The following SRGAP2C variants were observed in gnomAD, a reference collection of about 807,000 sequenced individuals.
SRGAP2C encodes SLIT-ROBO Rho GTPase activating protein 2C, also known as SLIT-ROBO Rho GTPase-activating protein 2C.
SRGAP2C carries 15 observed loss-of-function variants against 25.1 expected under a neutral mutation model. The observed-to-expected ratio is 0.60, with a 90% CI of 0.40 to 0.92. The LOEUF (loss-of-function observed/expected upper bound fraction) is 0.92. Among genes scored for constraint, SRGAP2C ranks in the 40% least tolerant of loss-of-function variants. SRGAP2C has a pLI of 0.00. For missense variants in SRGAP2C, 144 were observed against 264.4 expected (o/e 0.54, Z 3.16); for synonymous variants, 44 against 96.6 (o/e 0.46, Z 3.19).
chr1:121,315,555 A>G (rs1439283526), intron 3 of SRGAP2C, among the ~76,000 whole-genome samples: 1 of 151,630 alleles, frequency 6.6e-6, no homozygotes, highest in Non-Finnish European at 1.5e-5. Flanking sequence ...TATACCACTC[A>G]GCCCTTTAAA....
intron 3 of SRGAP2C, among the ~76,000 whole-genome samples, chr1:121,295,918 C>T (rs1390679118): frequency 7.9e-5 from 12 of 152,062 alleles, no homozygotes; most frequent in East Asian, 1.9e-4. Flanking sequence ...TGCGCCATGA[C>T]GCCAGGCTAA....
In SRGAP2C at chr1:121,239,282, C is replaced by G. The variant is rs1298013624; in HGVS notation, c.68-45521C>G. Among the ~76,000 whole-genome samples the G allele has an allele frequency of 1.7e-3, 3 of 1,724 alleles. 1 individual carries two copies. Among genetic ancestry groups the G allele is most frequent in the South Asian group, 8.5e-3 (1 of 118 alleles). 1.1% of individuals were successfully genotyped at this position (1,724 alleles called of 152,430 possible). A position where few individuals can be genotyped will look rare whatever the true frequency, so the allele number is the denominator to read the frequency against. On this transcript the variant is annotated intron_variant, in intron 2 of 9. Coordinates refer to ENST00000367123, the MANE Select transcript of SRGAP2C (RefSeq NM_001329984.2). ...TATATATATACTATATATATATATA[C>G]TATATATATATATATATACATGCAA...
At chr1:121,201,798 T>C (rs1336316228) in intron 2 of SRGAP2C, among the ~76,000 whole-genome samples, 2 of 152,222 alleles carry the variant, frequency 1.3e-5, no homozygotes, top group Non-Finnish European at 2.9e-5. Context: ...TGAAAAATTA[T>C]CCGATAACGT....
chr1:121,222,986 C>T (rs1655570505), intron 2 of SRGAP2C, among the ~76,000 whole-genome samples: 1 of 151,700 alleles, frequency 6.6e-6, no homozygotes, highest in Non-Finnish European at 1.5e-5. Flanking sequence ...CCAGGGTTAT[C>T]AGGTCCACAA....
At position 121,374,815 on chromosome 1, in the gene SRGAP2C, T is replaced by C. The variant is rs1360051799; in HGVS notation, c.703-11T>C. ...AAAAAAGGTAAAAGTGAACTTCTGT[T>C]TCCTTTTCAGCACCAAGCCAAGTAC... On this transcript the variant is annotated splice_polypyrimidine_tract_variant and intron_variant, in intron 6 of 9. Transcript: ENST00000367123. 2 of 759,532 alleles carry C rather than the reference T, an allele frequency of 2.6e-6. No individual in the cohort carries two copies. The highest frequency in any genetic ancestry group is 2.5e-5 in the East Asian group (1 of 40,210). 47.0% of individuals were successfully genotyped at this position (759,532 alleles called of 1,614,324 possible).
intron 2 of SRGAP2C, among the ~76,000 whole-genome samples, chr1:121,263,123 T>C (rs1190202246): frequency 1.3e-5 from 2 of 151,502 alleles, no homozygotes; most frequent in African/African-American, 4.8e-5. Context: ...GGAGGCTGAG[T>C]TGGGCAGATC....
chr1:121,259,335 G>A, intron 2 of SRGAP2C, among the ~76,000 whole-genome samples: 1 of 146,232 alleles, frequency 6.8e-6, no homozygotes, highest in East Asian at 2.0e-4. Flanking sequence ...TAAAAAATTA[G>A]CCGGCATGGT....
intron 3 of SRGAP2C, chr1:121,314,984 T>G (rs1658063812): frequency 9.6e-7 from 1 of 1,046,008 alleles, no homozygotes; most frequent in African/African-American, 1.7e-5. Flanking sequence ...CCAAGCATCC[T>G]TCTAAACTAT....
chr1:121,287,619 T>C (rs1370772189), intron 3 of SRGAP2C, among the ~76,000 whole-genome samples: 26 of 152,328 alleles, frequency 1.7e-4, no homozygotes, highest in African/African-American at 6.0e-4. Context: ...AAGGTTCAGA[T>C]GTGTTAATCT....
chr1:121,347,049 C>G (rs1658763654), intron 4 of SRGAP2C, among the ~76,000 whole-genome samples: 1 of 149,828 alleles, frequency 6.7e-6, no homozygotes, highest in African/African-American at 2.5e-5. Flanking sequence ...GCTACCACAG[C>G]ATAGGAAATG....
At chr1:121,219,025 G>A (rs185993244) in intron 2 of SRGAP2C, among the ~76,000 whole-genome samples, 1 of 152,196 alleles carries the variant, frequency 6.6e-6, no homozygotes, top group African/African-American at 2.4e-5. Context: ...ATTTTTTTTA[G>A]CAACTTGCCT....
chr1:121,271,451 T>C (rs1286833155), intron 2 of SRGAP2C, among the ~76,000 whole-genome samples: 1 of 151,630 alleles, frequency 6.6e-6, no homozygotes, highest in Non-Finnish European at 1.5e-5. Context: ...AGGAGGAGGA[T>C]ACGGAATGTA....
intron 4 of SRGAP2C, among the ~76,000 whole-genome samples, chr1:121,338,937 T>A (rs1658582075): frequency 6.7e-6 from 1 of 149,892 alleles, no homozygotes; most frequent in Non-Finnish European, 1.5e-5. Context: ...GAAAAAATTT[T>A]AAAAAGTAGT....
chr1:121,350,914 T>C (rs1658887567), intron 4 of SRGAP2C, among the ~76,000 whole-genome samples: 1 of 148,298 alleles, frequency 6.7e-6, no homozygotes, highest in Non-Finnish European at 1.5e-5. Flanking sequence ...AGATGACCAG[T>C]CCAGTTTAAA....
rs1553338171 is a variant in SRGAP2C at position 121,295,563 on chromosome 1, T to A, written c.260+10568T>A. Among the ~76,000 whole-genome samples the A allele has an allele frequency of 7.5e-4, 113 of 151,512 alleles. 1 individual carries two copies. Among genetic ancestry groups the A allele is most frequent in the African/African-American group, 2.6e-3 (108 of 40,892 alleles). ...CTAGAGCTTACAGTCTAGAGACAGATGGAAAGCACCTGGTGCAGGAAGAAT... is the reference window on the plus strand; with the variant it reads ...CTAGAGCTTACAGTCTAGAGACAGAAGGAAAGCACCTGGTGCAGGAAGAAT... On this transcript the variant is annotated intron_variant, in intron 3 of 9. Coordinates refer to ENST00000367123, the MANE Select transcript of SRGAP2C (RefSeq NM_001329984.2).
intron 3 of SRGAP2C, among the ~76,000 whole-genome samples, chr1:121,293,869 C>G (rs1657541528): frequency 1.0e-5 from 1 of 98,840 alleles, no homozygotes; most frequent in African/African-American, 4.1e-5. Flanking sequence ...GGAAACTATT[C>G]AACTTGGGAT....
At chr1:121,266,487 CA>C (rs1656785781) in intron 2 of SRGAP2C, among the ~76,000 whole-genome samples, 2 of 151,682 alleles carry the variant, frequency 1.3e-5, no homozygotes, top group South Asian at 4.2e-4. Flanking sequence ...CTAAACTGCC[CA>C]ATTATAAAGG....
chr1:121,244,451 A>T (rs1484858636), intron 2 of SRGAP2C, among the ~76,000 whole-genome samples: 4 of 124,164 alleles, frequency 3.2e-5, no homozygotes, highest in Admixed American at 8.2e-5. Context: ...TTTTAGTAAA[A>T]GAGCATGAAT....
intron 5 of SRGAP2C, among the ~76,000 whole-genome samples, chr1:121,367,523 A>G (rs2101653017): frequency 6.6e-6 from 1 of 152,180 alleles, no homozygotes; most frequent in Non-Finnish European, 1.5e-5. Context: ...AGAGACATTG[A>G]CAATCTTCTG....
Sources: allele counts gnomAD v4.1 joint callset (sites outside exome capture counted in the v4.1 genomes callset), GRCh38; gene constraint gnomAD v4.1.1; transcripts MANE v1.5; gene names NCBI Gene and HGNC (gene_info 2026-07-23, HGNC 2026-07-21).